The following ANKFY1 variants were observed in gnomAD, a reference collection of about 807,000 sequenced individuals.
ANKFY1 encodes ankyrin repeat and FYVE domain containing 1.
ANKFY1 carries 47 observed loss-of-function variants against 128.3 expected under a neutral mutation model. That is an observed-to-expected ratio of 0.37 (90% CI 0.29 to 0.47). The LOEUF is 0.47. ANKFY1 is among the 20% of genes least tolerant of loss of function. The pLI, the probability that ANKFY1 is intolerant of heterozygous loss-of-function variation, is 1.00. For synonymous variants in ANKFY1, 553 were observed against 601.6 expected (o/e 0.92, Z 1.18); for missense variants, 1,222 against 1,510.6 (o/e 0.81, Z 3.17).
In ANKFY1 at chr17:4,167,845, A is replaced by G. The variant is rs1303270164; in HGVS notation, c.3444T>C (p.Asp1148=). The change falls in exon 25 of 25, where the codon GAT becomes GAC. Residue 1148 remains aspartate (D), a synonymous_variant. Coordinates refer to ENST00000341657, the MANE Select transcript of ANKFY1 (RefSeq NM_001330063.2). This position sits in a 1 kb window ranked among gnomAD's most constrained non-coding sequence, Gnocchi z 4.1. ...STKEIPIIKF[D]LNKPVRVCNI... ...TGCAAACCCGCACAGGCTTGTTCAGATCAAACTTTATAATAGGAATCTCCT... is the reference window on the plus strand; with the variant it reads ...TGCAAACCCGCACAGGCTTGTTCAGGTCAAACTTTATAATAGGAATCTCCT... The G allele has an allele frequency of 6.2e-7, 1 of 1,614,122 alleles. No homozygotes were observed. Among genetic ancestry groups the G allele is most frequent in the South Asian group, 1.1e-5 (1 of 91,080 alleles).
At chr17:4,179,559 G>A (rs1395900567) in intron 17 of ANKFY1, 162 bp downstream of exon 17, 31 of 907,840 alleles carry the variant, frequency 3.4e-5, no homozygotes, top group Admixed American at 1.5e-4. Context: ...AAGGCACAGA[G>A]AAGCACAGTC....
At chr17:4,260,346 G>A (rs1185098452) in intron 1 of ANKFY1, among the ~76,000 whole-genome samples, 1 of 152,152 alleles carries the variant, frequency 6.6e-6, no homozygotes, top group African/African-American at 2.4e-5. Context: ...GCTGGGAGCG[G>A]TGGCTCACAC....
At chr17:4,207,824 G>T in intron 6 of ANKFY1, 109 bp downstream of exon 6, 1 of 1,155,032 alleles carries the variant, frequency 8.7e-7, no homozygotes, top group Non-Finnish European at 1.2e-6. Context: ...AAATCCGTAC[G>T]TTAAAGACTG....
At chr17:4,192,148 G>A (rs1199789468) in intron 10 of ANKFY1, among the ~76,000 whole-genome samples, 1 of 142,292 alleles carries the variant, frequency 7.0e-6, no homozygotes, top group African/African-American at 2.7e-5. Flanking sequence ...ACTCTTAGTT[G>A]ATGGTTGCTC....
intron 1 of ANKFY1, chr17:4,249,190 C>T: frequency 2.3e-6 from 2 of 874,896 alleles, no homozygotes; most frequent in South Asian, 5.2e-5. Context: ...CCGTACAGGG[C>T]CACATAGCAA....
At chr17:4,175,100 A>G (rs764890154) in intron 19 of ANKFY1, among the ~76,000 whole-genome samples, 3 of 150,818 alleles carry the variant, frequency 2.0e-5, no homozygotes, top group Non-Finnish European at 4.4e-5. Context: ...TGGGAGACTG[A>G]GGCGGGCGGA....
intron 3 of ANKFY1, chr17:4,222,933 C>G (rs867339573): frequency 1.6e-6 from 2 of 1,251,666 alleles, no homozygotes; most frequent in African/African-American, 1.5e-5. Flanking sequence ...TCCTACCTTG[C>G]GGATAGAGAA....
chr17:4,263,172 C>T (rs1370863980), intron 1 of ANKFY1, among the ~76,000 whole-genome samples: 1 of 152,174 alleles, frequency 6.6e-6, no homozygotes, highest in Non-Finnish European at 1.5e-5. Flanking sequence ...ATGAAGGCTT[C>T]TAATTACTGC....
intron 13 of ANKFY1, 42 bp from the exon 14 acceptor site, chr17:4,183,593 C>G (rs746789692): frequency 2.3e-5 from 37 of 1,601,724 alleles, no homozygotes; most frequent in Non-Finnish European, 3.1e-5. Context: ...CGGCTTTTCC[C>G]GCTTCCTCAA....
chr17:4,220,716 C>G (rs765783123), intron 3 of ANKFY1, among the ~76,000 whole-genome samples: 1 of 152,118 alleles, frequency 6.6e-6, no homozygotes, highest in African/African-American at 2.4e-5. Context: ...GTGACTCAGA[C>G]GAAGCAGCCA....
rs763640598 is a variant in ANKFY1 at position 4,183,463 on chromosome 17, G to A, written c.1887C>T (p.Ala629=). ...CGCTCTTGCTGTCCTGCCGCTGTAT[G>A]GCCATGTGCAGTAGCGTCTGCCCAT... The part of the protein sequence containing the change: ...MSDGQTLLHM[A]IQRQDSKSAL... The change falls in exon 14 of 25, where the codon GCC becomes GCT. Residue 629 remains alanine (A), a synonymous_variant. Transcript: ENST00000341657. 1 of 1,613,740 alleles carries A rather than the reference G, an allele frequency of 6.2e-7. No homozygotes were observed. The highest frequency in any genetic ancestry group is 1.7e-5 in the Admixed American group (1 of 60,018).
chr17:4,185,055 A>C lies in ANKFY1; in HGVS notation c.1471-9T>G. 6.2e-7 allele frequency: 1 copy of C among 1,609,870 alleles called. No individual in the cohort carries two copies. Among genetic ancestry groups the C allele is most frequent in the Admixed American group, 1.7e-5 (1 of 59,852 alleles). On this transcript the variant is annotated splice_polypyrimidine_tract_variant and intron_variant, in intron 11 of 24. Coordinates refer to ENST00000341657, the MANE Select transcript of ANKFY1 (RefSeq NM_001330063.2). The stretch of plus-strand genomic sequence containing the variant: ...TGCAACGGGGTTTCTCCCTGAATGG[A>C]AACAAATGGCCGAAATCTGAGCACT...
chr17:4,173,141 C>T (rs2059352620), intron 21 of ANKFY1, among the ~76,000 whole-genome samples: 1 of 152,256 alleles, frequency 6.6e-6, no homozygotes, highest in Admixed American at 6.5e-5. Flanking sequence ...CAGGCGCGAG[C>T]CACTGCGCCC....
chr17:4,255,687 A>G (rs893345762), intron 1 of ANKFY1, among the ~76,000 whole-genome samples: 17 of 152,200 alleles, frequency 1.1e-4, no homozygotes, highest in African/African-American at 3.9e-4. Flanking sequence ...TTTTTGTTCC[A>G]GGCTTATATT....
intron 4 of ANKFY1, among the ~76,000 whole-genome samples, chr17:4,215,501 A>ATT (rs1486253297): frequency 1.3e-5 from 2 of 152,082 alleles, no homozygotes; most frequent in Admixed American, 6.6e-5. Context: ...TCATTATCTC[A>ATT]AGCATGTAAT....
At chr17:4,203,426 AC>A (rs2059967569) in intron 7 of ANKFY1, among the ~76,000 whole-genome samples, 1 of 152,210 alleles carries the variant, frequency 6.6e-6, no homozygotes, top group Non-Finnish European at 1.5e-5. Context: ...TCAGCCAGTA[AC>A]CTTCATTATT....
chr17:4,193,415 G>A (rs868290660), intron 10 of ANKFY1, among the ~76,000 whole-genome samples: 77 of 113,586 alleles, frequency 6.8e-4, no homozygotes, highest in Middle Eastern at 5.0e-3. Context: ...GCCACCAGTC[G>A]ACTCTTTTTT....
Position 4,179,891 on chromosome 17 carries a change from G to C in ANKFY1, c.2241-14C>G. 1 of 1,613,678 alleles carries C rather than the reference G, an allele frequency of 6.2e-7. No individual in the cohort carries two copies. Among genetic ancestry groups the C allele is most frequent in the Non-Finnish European group, 8.5e-7 (1 of 1,179,936 alleles). On this transcript the variant is annotated splice_polypyrimidine_tract_variant and intron_variant, in intron 16 of 24. Coordinates refer to ENST00000341657, the MANE Select transcript of ANKFY1 (RefSeq NM_001330063.2). ...ACGTCACAGCCACTGAAAGGAATGG[G>C]GACATTTTAAAAAACGCCACGCTTG...
chr17:4,209,591 G>A (rs191413797), intron 5 of ANKFY1, among the ~76,000 whole-genome samples: 2 of 152,344 alleles, frequency 1.3e-5, no homozygotes, highest in Admixed American at 6.5e-5. Flanking sequence ...GTGAGCCACC[G>A]CGCCTGGCCA....
Sources: allele counts gnomAD v4.1 joint callset (sites outside exome capture counted in the v4.1 genomes callset), GRCh38; gene constraint gnomAD v4.1.1; non-coding constraint Gnocchi (gnomAD v3.1); transcripts MANE v1.5; gene names NCBI Gene and HGNC (gene_info 2026-07-23, HGNC 2026-07-21).